Variants in RBFOX1 observed in about 807,000 individuals in gnomAD.
RBFOX1 encodes the protein RNA binding fox-1 homolog 1.
Under a neutral mutation model 57.7 loss-of-function variants are expected in RBFOX1, and 8 were observed. The ratio of observed to expected loss-of-function variants is 0.14; its 90% confidence interval spans 0.08 to 0.25. The LOEUF is 0.25. Ranked by LOEUF, RBFOX1 falls within the 10% of genes least tolerant of loss-of-function variation. RBFOX1 has a pLI of 1.00. For missense variants in RBFOX1, 611 were observed against 548.5 expected (o/e 1.11, Z -1.14); for synonymous variants, 326 against 222.4 (o/e 1.47, Z -4.15).
chr16:6,786,986 C>T (rs974192366), intron 3 of RBFOX1, among the ~76,000 whole-genome samples: 1 of 152,088 alleles, frequency 6.6e-6, no homozygotes, highest in African/African-American at 2.4e-5. Context: ...CACAGGTCAC[C>T]CATCTCACTA....
chr16:7,210,907 C>G (rs1490794946), intron 4 of RBFOX1, among the ~76,000 whole-genome samples: 1 of 150,054 alleles, frequency 6.7e-6, no homozygotes, highest in Non-Finnish European at 1.5e-5. Context: ...GGTACTCTCA[C>G]TATAAAAGAA....
At chr16:7,023,889 C>T (rs986169454) in intron 3 of RBFOX1, among the ~76,000 whole-genome samples, 4 of 152,050 alleles carry the variant, frequency 2.6e-5, no homozygotes, top group Non-Finnish European at 5.9e-5. Context: ...CAAAGTATAT[C>T]GAGTTTGGAA....
At chr16:5,616,570 C>G (rs569513825) in intron 3 of RBFOX1, among the ~76,000 whole-genome samples, 1 of 150,748 alleles carries the variant, frequency 6.6e-6, no homozygotes, top group African/African-American at 2.4e-5. Flanking sequence ...CCTCCTCTTC[C>G]CTCTCCCTTC....
chr16:7,625,445 T>C (rs937385768), intron 10 of RBFOX1, among the ~76,000 whole-genome samples: 4 of 152,160 alleles, frequency 2.6e-5, no homozygotes, highest in African/African-American at 9.7e-5. Context: ...TAATAACTCC[T>C]GTATTAGAGG....
chr16:6,621,864 A>T lies in RBFOX1; in HGVS notation c.-63-32739A>T, dbSNP rs1443665515. Among the ~76,000 whole-genome samples, 3 of 152,304 alleles carry T rather than the reference A, an allele frequency of 2.0e-5. No individual in the cohort carries two copies. The East Asian group carries it at 5.8e-4, about 29-fold the overall frequency. On this transcript the variant is annotated intron_variant, in intron 2 of 15. Coordinates refer to ENST00000550418, the MANE Select transcript of RBFOX1 (RefSeq NM_018723.4). ...CCTATTGAGAGACGCTTGACGAACA[A>T]GGTTTGTGCTCAGTGTGTTAAGTGG...
At chr16:6,902,003 G>C (rs1264927718) in intron 3 of RBFOX1, among the ~76,000 whole-genome samples, 1 of 152,064 alleles carries the variant, frequency 6.6e-6, no homozygotes, top group African/African-American at 2.4e-5. Flanking sequence ...AACTTTGCCT[G>C]AATGAATTAT....
intron 4 of RBFOX1, among the ~76,000 whole-genome samples, chr16:7,515,482 C>T (rs1008533996): frequency 6.0e-5 from 9 of 150,934 alleles, no homozygotes; most frequent in East Asian, 2.0e-4. Flanking sequence ...CACACATACA[C>T]ACACACACAC....
intron 4 of RBFOX1, among the ~76,000 whole-genome samples, chr16:7,428,492 ATTTTATTATTAT>A (rs1197579511): frequency 2.0e-4 from 22 of 112,098 alleles, no homozygotes; most frequent in African/African-American, 6.8e-4. Flanking sequence ...ACTCCTGGCT[ATTTTATTATTAT>A]TATTATTATT....
At chr16:6,220,716 C>T (rs1362313) in intron 1 of RBFOX1, among the ~76,000 whole-genome samples, 72,975 of 121,382 alleles carry the variant, frequency 0.6, 17,989 homozygotes, top group Middle Eastern at 0.68. Context: ...AATGCTATGA[C>T]TAACCGCCCC....
chr16:5,580,213 C>G (rs989423708), intron 2 of RBFOX1, among the ~76,000 whole-genome samples: 4 of 152,242 alleles, frequency 2.6e-5, no homozygotes, highest in African/African-American at 9.6e-5. Context: ...ACAATGGATG[C>G]ATGAATAACA....
chr16:5,860,103 G>C (rs1034959030), intron 3 of RBFOX1, among the ~76,000 whole-genome samples: 22 of 151,870 alleles, frequency 1.4e-4, no homozygotes, highest in African/African-American at 5.3e-4. Context: ...TTTTTTTTGT[G>C]ATGGAGTCTC....
chr16:5,427,266 C>T (rs1304652972), intron 1 of RBFOX1, among the ~76,000 whole-genome samples: 4 of 152,146 alleles, frequency 2.6e-5, no homozygotes, highest in African/African-American at 7.2e-5. Flanking sequence ...TTGGCTCATG[C>T]AGTTAAGGAG....
At chr16:5,550,203 A>G (rs1005739751) in intron 2 of RBFOX1, among the ~76,000 whole-genome samples, 1 of 152,188 alleles carries the variant, frequency 6.6e-6, no homozygotes, top group Non-Finnish European at 1.5e-5. Context: ...AGCTTTCTAA[A>G]GGAGGTTTCT....
chr16:6,728,376 G>A (rs57416213), intron 3 of RBFOX1, among the ~76,000 whole-genome samples: 3 of 151,940 alleles, frequency 2.0e-5, no homozygotes, highest in African/African-American at 7.3e-5. Context: ...ATGTCTTGTC[G>A]TTGTTTCTTC....
At chr16:7,261,479 C>G (rs577123109) in intron 4 of RBFOX1, among the ~76,000 whole-genome samples, 1 of 152,218 alleles carries the variant, frequency 6.6e-6, no homozygotes, top group African/African-American at 2.4e-5. Context: ...GTATGAGTCC[C>G]TTGTCGTCTC....
chr16:5,356,625 C>G lies in RBFOX1; in HGVS notation c.220-110591C>G, dbSNP rs370873488. On this transcript the variant is annotated intron_variant, in intron 1 of 2. Transcript: ENST00000585867. ...GCACAGGTTTACCATGAAAAATATA[C>G]TTGTTAAATGAATGAGCGAACACCA... 3.1e-4 allele frequency among the ~76,000 whole-genome samples: 47 copies of G among 152,222 alleles called. No individual in the cohort carries two copies. The Middle Eastern group carries it at 0.01, about 33-fold the overall frequency.
chr16:5,835,531 C>G (rs751243240), intron 3 of RBFOX1, among the ~76,000 whole-genome samples: 1 of 152,152 alleles, frequency 6.6e-6, no homozygotes, highest in Non-Finnish European at 1.5e-5. Context: ...ATTCCCAGGA[C>G]CCTCTTGGAT....
rs1567176476 is a variant in RBFOX1, at chr16:7,078,351, CTTTA to C, written c.27+26266_27+26269del. On this transcript the variant is annotated intron_variant, in intron 4 of 15. Transcript: ENST00000550418. Reference sequence around the variant, plus strand: ...TCTTGTTTATAACCAACCCCATATACTTTATTTATTTATTTAGATGGAGTGTCAC... The same window carrying C: ...TCTTGTTTATAACCAACCCCATATACTTTATTTATTTAGATGGAGTGTCAC... Among the ~76,000 whole-genome samples, 7 of 152,138 alleles carry C rather than the reference CTTTA, an allele frequency of 4.6e-5. No individual in the cohort carries two copies. The South Asian group carries it at 1.0e-3, about 23-fold the overall frequency.
At chr16:5,750,049 G>A (rs150273270) in intron 3 of RBFOX1, among the ~76,000 whole-genome samples, 1,844 of 152,244 alleles carry the variant, frequency 0.012, 35 homozygotes, top group African/African-American at 0.039. Context: ...GTTTTGGTGT[G>A]GATGTCCTTT....
Sources: allele counts gnomAD v4.1 joint callset (sites outside exome capture counted in the v4.1 genomes callset), GRCh38; gene constraint gnomAD v4.1.1; transcripts MANE v1.5; gene names NCBI Gene and HGNC (gene_info 2026-07-23, HGNC 2026-07-21).